MANEA: variants seen among roughly 807,000 people sequenced by gnomAD.
The protein encoded by MANEA is glycoprotein endo-alpha-1,2-mannosidase.
MANEA carries 25 observed loss-of-function variants against 36.8 expected under a neutral mutation model. The ratio of observed to expected loss-of-function variants is 0.68; its 90% CI spans 0.50 to 0.95. The LOEUF (loss-of-function observed/expected upper bound fraction) is 0.95. Among genes scored for constraint, MANEA ranks in the 40% least tolerant of loss-of-function variants. The pLI is 0.00. For synonymous variants in MANEA, 198 were observed against 188.5 expected, an observed-to-expected ratio of 1.05 and a Z score of -0.41; for missense variants, 565 against 558.8, an observed-to-expected ratio of 1.01 and a Z score of -0.11.
At chr6:95,602,834 CA>C (rs1465115354) in intron 3 of MANEA, among the ~76,000 whole-genome samples, 1 of 150,282 alleles carries the variant, frequency 6.7e-6, no homozygotes, top group African/African-American at 2.4e-5. Flanking sequence ...TCCTGGCTAA[CA>C]AGGTGAAACC....
intron 1 of MANEA, among the ~76,000 whole-genome samples, chr6:95,580,947 A>G (rs1302982922): frequency 2.6e-5 from 4 of 152,180 alleles, no homozygotes; most frequent in Non-Finnish European, 5.9e-5. Context: ...TCGGACACCC[A>G]TCTTTAATCA....
At chr6:95,598,217 C>G (rs930005896) in intron 3 of MANEA, among the ~76,000 whole-genome samples, 2 of 152,274 alleles carry the variant, frequency 1.3e-5, no homozygotes, top group South Asian at 4.1e-4. Context: ...AGTATACTCA[C>G]TATCTATTGC....
At chr6:95,589,825 G>A (rs1769354431) in intron 2 of MANEA, among the ~76,000 whole-genome samples, 1 of 152,002 alleles carries the variant, frequency 6.6e-6, no homozygotes, top group Non-Finnish European at 1.5e-5. Flanking sequence ...TGGCAAAAGG[G>A]GAATTAGGGT....
intron 2 of MANEA, among the ~76,000 whole-genome samples, chr6:95,591,142 A>G (rs1482594221): frequency 2.0e-5 from 3 of 152,222 alleles, no homozygotes; most frequent in Non-Finnish European, 4.4e-5. Flanking sequence ...AAAAGTAAGA[A>G]TGTTTTTTAC....
intron 3 of MANEA, among the ~76,000 whole-genome samples, chr6:95,597,413 T>G (rs1016975834): frequency 1.3e-5 from 2 of 151,964 alleles, no homozygotes; most frequent in African/African-American, 2.4e-5. Flanking sequence ...TGGAAACAAA[T>G]AGGAGTGATG....
intron 1 of MANEA, among the ~76,000 whole-genome samples, chr6:95,582,729 C>T (rs1479290830): frequency 1.3e-5 from 2 of 152,178 alleles, no homozygotes; most frequent in Non-Finnish European, 2.9e-5. Context: ...TACCATTATA[C>T]ACAAACACAC....
intron 1 of MANEA, among the ~76,000 whole-genome samples, 190 bp downstream of exon 1, chr6:95,577,828 C>T (rs1769098664): frequency 2.0e-5 from 3 of 152,344 alleles, no homozygotes. Context: ...CTGTAGCCCC[C>T]TCGATTAACC....
chr6:95,605,709 T>G (rs1769693114), intron 4 of MANEA, 39 bp from the exon 5 acceptor site: 1 of 1,501,256 alleles, frequency 6.7e-7, no homozygotes, highest in Admixed American at 1.8e-5. Flanking sequence ...AAATTAGTTG[T>G]GAATATTCAT....
rs67335804 is a variant in MANEA, at chr6:95,601,716, A to ATTTTTTTTTTTTTTTTTTTTTTTTT, written c.655-3107_655-3083dup. 1.0e-3 allele frequency among the ~76,000 whole-genome samples: 67 copies of ATTTTTTTTTTTTTTTTTTTTTTTTT among 64,992 alleles called. 7 individuals carry two copies. Among genetic ancestry groups the ATTTTTTTTTTTTTTTTTTTTTTTTT allele is most frequent in the Non-Finnish European group, 1.3e-3 (47 of 37,294 alleles). 42.6% of individuals were successfully genotyped at this position (64,992 alleles called of 152,430 possible). A position where few individuals can be genotyped will look rare whatever the true frequency, so the allele number is the denominator to read the frequency against. On this transcript the variant is annotated intron_variant, in intron 3 of 4. Coordinates refer to ENST00000358812, the MANE Select transcript of MANEA (RefSeq NM_024641.4). Reference sequence around the variant, plus strand: ...AAAAGAAAATTAGGCAGATTCAGTGATTTTTTTTTTTTTTTTTTTTTTTTT... The same window carrying ATTTTTTTTTTTTTTTTTTTTTTTTT: ...AAAAGAAAATTAGGCAGATTCAGTGATTTTTTTTTTTTTTTTTTTTTTTTTTTTTTTTTTTTTTTTTTTTTTTTTT...
intron 2 of MANEA, among the ~76,000 whole-genome samples, chr6:95,596,518 T>C (rs1313789815): frequency 6.6e-6 from 1 of 152,128 alleles, no homozygotes; most frequent in African/African-American, 2.4e-5. Flanking sequence ...AAATGTAAAG[T>C]CTGTTCACTT....
chr6:95,607,869 T>A lies in MANEA; in HGVS notation c.*1464T>A, dbSNP rs1242530249. 1 of 151,596 alleles carries A rather than the reference T, an allele frequency of 6.6e-6. No homozygotes were observed. The highest frequency in any genetic ancestry group is 1.5e-5 in the Non-Finnish European group (1 of 67,714). The allele number at this position is 151,596 out of a possible 1,614,324, so 9.4% of individuals were successfully genotyped here. A position where few individuals can be genotyped will look rare whatever the true frequency, so the allele number is the denominator to read the frequency against. On this transcript the variant is annotated 3_prime_UTR_variant, in exon 5 of 5. Coordinates refer to ENST00000358812, the MANE Select transcript of MANEA (RefSeq NM_024641.4). ...AAATAATGCCTATAAATCTTCAGAG[T>A]ATAAAGACATCCATTCAGAAACAAA...
chr6:95,598,680 T>C (rs1769530933), intron 3 of MANEA, among the ~76,000 whole-genome samples: 1 of 152,156 alleles, frequency 6.6e-6, no homozygotes, highest in African/African-American at 2.4e-5. Flanking sequence ...TGCAAAGTTA[T>C]GAATACCAGG....
In MANEA at chr6:95,586,696, C is replaced by G. The variant is rs1478084004; in HGVS notation, c.257C>G (p.Ser86Cys). The change falls in exon 2 of 5, where the codon TCC becomes TGC. Residue 86 changes from serine (S) to cysteine (C), a missense_variant. Coordinates refer to ENST00000358812, the MANE Select transcript of MANEA (RefSeq NM_024641.4). ...AGTGTTGAAATCACTATGAAACCTT[C>G]CAAAGCCTCTGAACTTAACTTGGAT... The part of the protein sequence containing the change: ...LKSVEITMKP[S>C]KASELNLDEL... The G allele has an allele frequency of 3.1e-6, 5 of 1,613,844 alleles. No individual in the cohort carries two copies. In the African/African-American group the frequency reaches 6.7e-5, roughly 22 times the overall value.
At chr6:95,581,382 T>G (rs1428725301) in intron 1 of MANEA, among the ~76,000 whole-genome samples, 1 of 152,040 alleles carries the variant, frequency 6.6e-6, no homozygotes, top group Non-Finnish European at 1.5e-5. Context: ...GCTTAAGAAA[T>G]TACATTCATA....
intron 2 of MANEA, among the ~76,000 whole-genome samples, chr6:95,592,505 G>A (rs886081194): frequency 1.3e-5 from 2 of 151,982 alleles, no homozygotes; most frequent in Non-Finnish European, 2.9e-5. Context: ...GTCACCCTGG[G>A]TAAGATAGTG....
At chr6:95,587,041 T>C (rs924287901) in intron 2 of MANEA, 58 bp downstream of exon 2, 3 of 1,016,394 alleles carry the variant, frequency 3.0e-6, no homozygotes, top group Non-Finnish European at 4.5e-6. Flanking sequence ...ATATAAATGA[T>C]TTTTTGTGTA....
chr6:95,596,719 T>C lies in MANEA; in HGVS notation c.545-18T>C. On this transcript the variant is annotated intron_variant, in intron 2 of 4. Coordinates refer to ENST00000358812, the MANE Select transcript of MANEA (RefSeq NM_024641.4). Reference sequence around the variant, plus strand: ...CATGTTCTTGTCTTTTCCCTTTCTTTTTGGTCTTTTCTATTAGGTGTACTA... The same window carrying C: ...CATGTTCTTGTCTTTTCCCTTTCTTCTTGGTCTTTTCTATTAGGTGTACTA... 7.5e-7 allele frequency: 1 copy of C among 1,326,448 alleles called. No individual in the cohort carries two copies. Among genetic ancestry groups the C allele is most frequent in the South Asian group, 1.2e-5 (1 of 83,406 alleles). 82.2% of individuals were successfully genotyped at this position (1,326,448 alleles called of 1,614,324 possible).
chr6:95,603,544 T>C (rs1769639928), intron 3 of MANEA, among the ~76,000 whole-genome samples: 1 of 151,644 alleles, frequency 6.6e-6, no homozygotes, highest in South Asian at 2.1e-4. Context: ...TAGAAAATTA[T>C]ATTTTTTTTA....
At chr6:95,602,653 A>G (rs1229701670) in intron 3 of MANEA, among the ~76,000 whole-genome samples, 1 of 152,218 alleles carries the variant, frequency 6.6e-6, no homozygotes, top group Non-Finnish European at 1.5e-5. Context: ...TTTAAAATTT[A>G]TTTTAACATT....
Sources: gnomAD v4.1 joint callset for allele counts (sites outside exome capture counted in the v4.1 genomes callset) on GRCh38, gnomAD v4.1.1 for gene constraint, MANE v1.5 for transcripts, NCBI Gene and HGNC (gene_info 2026-07-23, HGNC 2026-07-21) for gene names.